Variants in SPTBN1 observed in about 807,000 individuals in gnomAD.
The protein encoded by SPTBN1 is spectrin beta chain, non-erythrocytic 1.
SPTBN1 carries 32 observed loss-of-function variants against 266.4 expected under a neutral mutation model. The ratio of observed to expected loss-of-function variants is 0.12; its 90% CI spans 0.09 to 0.16. The LOEUF is 0.16. SPTBN1 is among the 10% of genes least tolerant of loss of function. The pLI, the probability that SPTBN1 is intolerant of heterozygous loss-of-function variation, is 1.00. For missense variants in SPTBN1, 2,296 were observed against 3,067.1 expected, an observed-to-expected ratio of 0.75 and a Z score of 5.94; for synonymous variants, 1,336 against 1,162.2, an observed-to-expected ratio of 1.15 and a Z score of -3.04.
chr2:54,655,063 A>T lies in SPTBN1; in HGVS notation c.5823-7A>T. 6.2e-7 allele frequency: 1 copy of T among 1,607,810 alleles called. No individual in the cohort carries two copies. ...TCCTAACGGAGGCATCGTTTGTCTA[A>T]TTTTAGGGATGTATCATCTGTTGAA... is the stretch of plus-strand genomic sequence containing the variant. On this transcript the variant is annotated splice_region_variant and splice_polypyrimidine_tract_variant and intron_variant, in intron 27 of 35. Coordinates refer to ENST00000356805, the MANE Select transcript of SPTBN1 (RefSeq NM_003128.3).
chr2:54,570,249 C>A (rs1261379918), intron 2 of SPTBN1, among the ~76,000 whole-genome samples: 1 of 152,114 alleles, frequency 6.6e-6, no homozygotes, highest in African/African-American at 2.4e-5. Context: ...TCTCTCTCCC[C>A]CAACCCCATT....
At chr2:54,479,602 G>A (rs1668003427) in intron 1 of SPTBN1, among the ~76,000 whole-genome samples, 1 of 152,158 alleles carries the variant, frequency 6.6e-6, no homozygotes, top group Non-Finnish European at 1.5e-5. Flanking sequence ...CAGATAACAT[G>A]GTCACTCTAG....
At chr2:54,621,342 A>C in intron 7 of SPTBN1, 58 bp from the exon 8 acceptor site, 1 of 1,332,922 alleles carries the variant, frequency 7.5e-7, no homozygotes, top group Non-Finnish European at 1.1e-6. Flanking sequence ...TGTTCCTGCT[A>C]CCTGGGTGGG....
chr2:54,600,023 A>G (rs974186356), intron 3 of SPTBN1, among the ~76,000 whole-genome samples: 6 of 152,212 alleles, frequency 3.9e-5, no homozygotes, highest in Non-Finnish European at 8.8e-5. Flanking sequence ...CCAGAAGCCA[A>G]CGCCCAGAAT....
intron 7 of SPTBN1, among the ~76,000 whole-genome samples, chr2:54,618,486 A>G (rs957814832): frequency 3.3e-5 from 5 of 152,232 alleles, no homozygotes; most frequent in South Asian, 2.1e-4. Context: ...CTAACAATTC[A>G]ATGGGAATGG....
chr2:54,568,792 A>G (rs7602992), intron 2 of SPTBN1, among the ~76,000 whole-genome samples: 45,504 of 152,168 alleles, frequency 0.3, 9,706 homozygotes, highest in African/African-American at 0.61. Flanking sequence ...GGGAAGTAGA[A>G]ATTTATGAGT....
At position 54,668,387 on chromosome 2, in the gene SPTBN1, G is replaced by A. The variant is rs201443812; in HGVS notation, c.6913G>A (p.Ala2305Thr). ...CACATGGATCCAGGCTATCTCTTCC[G>A]CCATCTCCTCTGATAAACACGAGGT... ...MNTWIQAISS[A>T]ISSDKHEVSA... Residue 2305 changes from alanine to threonine, a missense_variant, in exon 36 of 36, where the codon GCC (alanine) becomes ACC (threonine). Around this residue, in one of 12 missense-constraint regions of SPTBN1, gnomAD observed 347 missense variants for 368.5 expected, o/e 0.94. Coordinates refer to ENST00000356805, the MANE Select transcript of SPTBN1 (RefSeq NM_003128.3). 2.2e-5 allele frequency: 36 copies of A among 1,613,988 alleles called. No homozygotes were observed. The highest frequency in any genetic ancestry group is 3.3e-4 in the Middle Eastern group (2 of 6,058).
At chr2:54,570,299 T>A (rs1235223665) in intron 2 of SPTBN1, among the ~76,000 whole-genome samples, 2 of 152,208 alleles carry the variant, frequency 1.3e-5, no homozygotes, top group African/African-American at 4.8e-5. Context: ...AATACAGTAA[T>A]CACAGTAGCA....
rs1440232664 is a variant in SPTBN1, at chr2:54,664,679, A to G, written c.6647A>G (p.Lys2216Arg). The change falls in exon 33 of 36, where the codon AAA (lysine) becomes AGA (arginine). Residue 2216 changes from lysine to arginine, a missense_variant. By Grantham distance (26) the Lys-to-Arg change is conservative. Coordinates refer to ENST00000356805, the MANE Select transcript of SPTBN1 (RefSeq NM_003128.3). This position sits in a 1 kb window ranked among gnomAD's most constrained non-coding sequence, Gnocchi z 5.6. ...CACGAGTGGGAGGCCCACAATAAGA[A>G]AGCCTCAAGCAGGTAACAGCAGCAG... The part of the protein sequence containing the change: ...RKHEWEAHNK[K>R]ASSRSWHNVY... 1 of 1,614,060 alleles carries G rather than the reference A, an allele frequency of 6.2e-7. No homozygotes were observed. Among genetic ancestry groups the G allele is most frequent in the East Asian group, 2.2e-5 (1 of 44,880 alleles).
intron 8 of SPTBN1, 74 bp downstream of exon 8, chr2:54,621,586 A>G: frequency 7.8e-7 from 1 of 1,285,708 alleles, no homozygotes; most frequent in Non-Finnish European, 1.1e-6. Flanking sequence ...CCATGCACTC[A>G]TAAAATTTGC....
In SPTBN1 at chr2:54,645,141, C is replaced by T. The variant is rs922401340; in HGVS notation, c.4270-88C>T. On this transcript the variant is annotated intron_variant, in intron 20 of 35. Coordinates refer to ENST00000356805, the MANE Select transcript of SPTBN1 (RefSeq NM_003128.3). The surrounding 1 kb of genome is among the most constrained non-coding windows in gnomAD (Gnocchi z 4.3). ...CCCATGGCTGGCTTTGCGGTGTGGC[C>T]AAGTCCCAGGCCCAGCAGTTCTGCT... 6.9e-7 allele frequency: 1 copy of T among 1,449,316 alleles called. No homozygotes were observed. The highest frequency in any genetic ancestry group is 9.5e-7 in the Non-Finnish European group (1 of 1,050,700). 89.8% of individuals were successfully genotyped at this position (1,449,316 alleles called of 1,614,324 possible).
chr2:54,631,556 C>T lies in SPTBN1; in HGVS notation c.3509C>T (p.Ala1170Val). ...CAAAATCTCCTATCCCAGTCACATG[C>T]CTACCAGCAGTTCCTCAGAGACACG... is the stretch of plus-strand genomic sequence containing the variant. ...NRQNLLSQSH[A>V]YQQFLRDTKQ... Residue 1170 changes from alanine (A) to valine (V), a missense_variant, in exon 16 of 36, where the codon GCC becomes GTC. Physicochemically the swap from Ala to Val is moderately conservative, Grantham distance 64. This residue lies in a region of SPTBN1 where 386 missense variants were observed against 486.1 expected (regional missense o/e 0.79). Transcript: ENST00000356805. 6.2e-7 allele frequency: 1 copy of T among 1,614,094 alleles called. No individual in the cohort carries two copies. The highest frequency in any genetic ancestry group is 2.2e-5 in the East Asian group (1 of 44,876).
intron 31 of SPTBN1, 32 bp from the exon 32 acceptor site, chr2:54,659,904 T>A (rs1419223232): frequency 2.5e-6 from 4 of 1,606,598 alleles, no homozygotes; most frequent in Non-Finnish European, 3.4e-6. Context: ...CTTCTTCCTT[T>A]CCCTTCCTCC....
At chr2:54,625,017 G>T in intron 11 of SPTBN1, 55 bp downstream of exon 11, 1 of 1,519,062 alleles carries the variant, frequency 6.6e-7, no homozygotes. Flanking sequence ...TAGAAACACA[G>T]ACCATCCCCA....
chr2:54,651,396 G>A (rs1364775619), intron 26 of SPTBN1, among the ~76,000 whole-genome samples: 1 of 152,214 alleles, frequency 6.6e-6, no homozygotes, highest in Non-Finnish European at 1.5e-5. Flanking sequence ...CAGTGAAAAG[G>A]ATGTGTGTCC....
At chr2:54,600,763 T>TAA (rs1279863570) in intron 3 of SPTBN1, among the ~76,000 whole-genome samples, 1 of 149,846 alleles carries the variant, frequency 6.7e-6, no homozygotes, top group Non-Finnish European at 1.5e-5. Flanking sequence ...TGAAAGTAGC[T>TAA]AAAAAAAATC....
At chr2:54,556,122 A>C (rs1672852459) in intron 2 of SPTBN1, among the ~76,000 whole-genome samples, 1 of 152,266 alleles carries the variant, frequency 6.6e-6, no homozygotes, top group South Asian at 2.1e-4. Context: ...GAAATAAAGA[A>C]TGAATACCTC....
At position 54,653,357 on chromosome 2, in the gene SPTBN1, G is replaced by A; in HGVS notation, c.5578-252G>A. The A allele has an allele frequency of 2.1e-6, 1 of 475,776 alleles. No individual in the cohort carries two copies. Among genetic ancestry groups the A allele is most frequent in the South Asian group, 3.4e-5 (1 of 29,252 alleles). 29.5% of individuals were successfully genotyped at this position (475,776 alleles called of 1,614,324 possible). ...GGACTTTCCCTGACTAAACTCTCCT[G>A]CCTGTCTTCCTGTAGCATTTCATTT... On this transcript the variant is annotated intron_variant, in intron 26 of 35. Coordinates refer to ENST00000356805, the MANE Select transcript of SPTBN1 (RefSeq NM_003128.3). This position sits in a 1 kb window ranked among gnomAD's most constrained non-coding sequence, Gnocchi z 5.1.
chr2:54,587,094 A>G (rs1043536473), intron 2 of SPTBN1, among the ~76,000 whole-genome samples: 2 of 152,182 alleles, frequency 1.3e-5, no homozygotes, highest in African/African-American at 2.4e-5. Flanking sequence ...GTAGAACATT[A>G]AGGCTACTTT....
Sources: gnomAD v4.1 joint callset for allele counts (sites outside exome capture counted in the v4.1 genomes callset) on GRCh38, gnomAD v4.1.1 for gene constraint, gnomAD v4.1.1 regional missense constraint, Gnocchi (gnomAD v3.1) non-coding constraint, MANE v1.5 for transcripts, NCBI Gene and HGNC (gene_info 2026-07-23, HGNC 2026-07-21) for gene names.